Variants in ADAM18 observed in about 807,000 individuals in gnomAD.
ADAM18 encodes the protein ADAM metallopeptidase domain 18.
ADAM18 carries 117 observed loss-of-function variants against 94.4 expected under a neutral mutation model. That is an observed-to-expected ratio of 1.24 (90% CI 1.07 to 1.45). The LOEUF (loss-of-function observed/expected upper bound fraction) is 1.45, where lower values mean the gene tolerates loss of function less well. Ranked by LOEUF, ADAM18 falls within the 40% of genes most tolerant of loss-of-function variation. The pLI is 0.00. For missense variants in ADAM18, 936 were observed against 880.0 expected, an observed-to-expected ratio of 1.06 and a Z score of -0.81; for synonymous variants, 327 against 291.6, an observed-to-expected ratio of 1.12 and a Z score of -1.24.
rs529344855 is a variant in ADAM18, at chr8:39,674,546, G to A, written c.1526-2885G>A. Among the ~76,000 whole-genome samples, 291 of 152,230 alleles carry A rather than the reference G, an allele frequency of 1.9e-3. 1 individual carries two copies. The highest frequency in any genetic ancestry group is 2.9e-3 in the Admixed American group (44 of 15,292). ...ATGTGAGATGAGTCTCCTGAATACAGCATGCTGATGGGTCTTGACTCTTTA... is the reference window on the plus strand; with the variant it reads ...ATGTGAGATGAGTCTCCTGAATACAACATGCTGATGGGTCTTGACTCTTTA... On this transcript the variant is annotated intron_variant, in intron 14 of 19. Coordinates refer to ENST00000265707, the MANE Select transcript of ADAM18 (RefSeq NM_014237.3).
intron 18 of ADAM18, among the ~76,000 whole-genome samples, chr8:39,712,197 G>T (rs982054960): frequency 6.6e-6 from 1 of 151,800 alleles, no homozygotes; most frequent in East Asian, 1.9e-4. Flanking sequence ...CAAAAACCAC[G>T]ATTATCTCAA....
chr8:39,648,956 G>T (rs549213156), intron 12 of ADAM18, among the ~76,000 whole-genome samples: 4 of 151,734 alleles, frequency 2.6e-5, no homozygotes, highest in Non-Finnish European at 5.9e-5. Flanking sequence ...AGACATTCCT[G>T]CATTTACAAA....
intron 18 of ADAM18, among the ~76,000 whole-genome samples, chr8:39,709,813 A>G (rs543724133): frequency 6.6e-6 from 1 of 152,356 alleles, no homozygotes; most frequent in African/African-American, 2.4e-5. Flanking sequence ...AAGTTGCTAC[A>G]TAATATCAAT....
At chr8:39,646,765 A>G (rs1016607148) in intron 11 of ADAM18, among the ~76,000 whole-genome samples, 3 of 152,208 alleles carry the variant, frequency 2.0e-5, no homozygotes, top group African/African-American at 4.8e-5. Flanking sequence ...GTAAATAAAG[A>G]TCTCCCCGGG....
chr8:39,622,999 A>T (rs1210413717), intron 6 of ADAM18, among the ~76,000 whole-genome samples: 1 of 152,120 alleles, frequency 6.6e-6, no homozygotes, highest in Non-Finnish European at 1.5e-5. Context: ...TGTACCCAAT[A>T]TGTGGCTTTT....
At chr8:39,594,798 T>G (rs919564202) in intron 2 of ADAM18, among the ~76,000 whole-genome samples, 9 of 148,114 alleles carry the variant, frequency 6.1e-5, no homozygotes, top group African/African-American at 2.2e-4. Flanking sequence ...TGTGAGTTTT[T>G]TTTTTTTTTT....
At chr8:39,648,893 CT>C (rs1465075850) in intron 12 of ADAM18, among the ~76,000 whole-genome samples, 2 of 152,160 alleles carry the variant, frequency 1.3e-5, no homozygotes, top group African/African-American at 4.8e-5. Context: ...TTCCCTATCT[CT>C]TGTTCTTGCA....
intron 6 of ADAM18, among the ~76,000 whole-genome samples, chr8:39,620,357 C>CAAAAAAAAAAAAAAAAA (rs61555393): frequency 1.5e-4 from 14 of 90,562 alleles, no homozygotes; most frequent in African/African-American, 3.1e-4. Flanking sequence ...GCAACAAAAG[C>CAAAAAAAAAAAAAAAAA]AAAAAAAAAA....
intron 17 of ADAM18, among the ~76,000 whole-genome samples, chr8:39,704,551 A>G (rs1295752422): frequency 6.6e-6 from 1 of 152,166 alleles, no homozygotes. Flanking sequence ...TTATCTTGCC[A>G]TGACTTGCCC....
chr8:39,680,926 A>G (rs1407823874), intron 16 of ADAM18, among the ~76,000 whole-genome samples: 1 of 152,206 alleles, frequency 6.6e-6, no homozygotes, highest in Non-Finnish European at 1.5e-5. Flanking sequence ...GTGTTAGTCA[A>G]TTGTTATATC....
intron 19 of ADAM18, among the ~76,000 whole-genome samples, chr8:39,724,168 G>T (rs1273797300): frequency 6.6e-6 from 1 of 151,646 alleles, no homozygotes; most frequent in African/African-American, 2.4e-5. Flanking sequence ...AATATAGTTG[G>T]TAAATTATTT....
At chr8:39,637,494 A>G (rs191138498) in intron 8 of ADAM18, 43 bp from the exon 9 acceptor site, 14 of 1,508,118 alleles carry the variant, frequency 9.3e-6, no homozygotes, top group African/African-American at 5.6e-5. Flanking sequence ...TTTAAATGTA[A>G]TAACTTGTTT....
chr8:39,620,683 G>A (rs1819590828), intron 6 of ADAM18, among the ~76,000 whole-genome samples: 1 of 147,554 alleles, frequency 6.8e-6, no homozygotes, highest in South Asian at 2.1e-4. Context: ...TATTAAAAAA[G>A]AAATGAAATC....
At chr8:39,626,981 T>A (rs1819786930) in intron 6 of ADAM18, among the ~76,000 whole-genome samples, 2 of 152,160 alleles carry the variant, frequency 1.3e-5, no homozygotes, top group Non-Finnish European at 2.9e-5. Context: ...TGTCTAGTGC[T>A]GTCAGGGGAG....
At chr8:39,651,410 A>G (rs115280898) in intron 12 of ADAM18, among the ~76,000 whole-genome samples, 1 of 152,334 alleles carries the variant, frequency 6.6e-6, no homozygotes, top group African/African-American at 2.4e-5. Context: ...AGACTATTAC[A>G]TGGAGAGAAA....
At chr8:39,724,460 G>T (rs1822845390) in intron 19 of ADAM18, among the ~76,000 whole-genome samples, 1 of 150,246 alleles carries the variant, frequency 6.7e-6, no homozygotes, top group South Asian at 2.1e-4. Context: ...TTTTTTTCTT[G>T]TTCAGACCGG....
At chr8:39,724,780 T>C (rs1229287246) in intron 19 of ADAM18, among the ~76,000 whole-genome samples, 1 of 151,970 alleles carries the variant, frequency 6.6e-6, no homozygotes, top group Admixed American at 6.6e-5. Flanking sequence ...CAAAATATTC[T>C]GTTTTTTCTT....
At chr8:39,688,893 G>A (rs1222579214) in intron 16 of ADAM18, among the ~76,000 whole-genome samples, 1 of 152,012 alleles carries the variant, frequency 6.6e-6, no homozygotes, top group Non-Finnish European at 1.5e-5. Flanking sequence ...TCACTTTTTA[G>A]TAATAGCCTT....
intron 19 of ADAM18, among the ~76,000 whole-genome samples, chr8:39,728,707 C>G (rs1822990357): frequency 6.6e-6 from 1 of 151,932 alleles, no homozygotes; most frequent in Non-Finnish European, 1.5e-5. Flanking sequence ...GTTTGTAAGT[C>G]AAACAAATAT....
Sources: allele counts gnomAD v4.1 joint callset (sites outside exome capture counted in the v4.1 genomes callset), GRCh38; gene constraint gnomAD v4.1.1; transcripts MANE v1.5; gene names NCBI Gene and HGNC (gene_info 2026-07-23, HGNC 2026-07-21).